The following NOSTRIN variants were observed in gnomAD, a reference collection of about 807,000 sequenced individuals.
NOSTRIN encodes nitric oxide synthase trafficking, also known as BM247 homolog.
In NOSTRIN, 63 loss-of-function variants were observed where a neutral mutation model predicts 59.0. The ratio of observed to expected loss-of-function variants is 1.07; its 90% CI spans 0.87 to 1.32. NOSTRIN has a LOEUF of 1.32. Among genes scored for constraint, NOSTRIN ranks in the 40% most tolerant of loss-of-function variants. The probability of loss-of-function intolerance (pLI) is 0.00; values close to 1 mark genes in which losing one functional copy is unlikely to be tolerated. For missense variants in NOSTRIN, 512 were observed against 473.1 expected (o/e 1.08, Z -0.76); for synonymous variants, 200 against 165.4 (o/e 1.21, Z -1.61).
chr2:168,841,047 GT>G, intron 7 of NOSTRIN, among the ~76,000 whole-genome samples: 1 of 151,978 alleles, frequency 6.6e-6, no homozygotes, highest in Non-Finnish European at 1.5e-5. Context: ...GAGCCCAGGA[GT>G]TGGAGACCAG....
chr2:168,831,102 A>G (rs1687333135), intron 5 of NOSTRIN, among the ~76,000 whole-genome samples: 1 of 152,202 alleles, frequency 6.6e-6, no homozygotes, highest in Admixed American at 6.5e-5. Flanking sequence ...TAAACTGGAT[A>G]GCTTATAAAT....
intron 8 of NOSTRIN, among the ~76,000 whole-genome samples, chr2:168,849,922 T>TGTTTTG (rs1553533476): frequency 7.0e-6 from 1 of 141,932 alleles, no homozygotes; most frequent in African/African-American, 2.6e-5. Flanking sequence ...TTTCTCATTT[T>TGTTTTG]TTTTTTTTTT....
chr2:168,860,835 T>A lies in NOSTRIN; in HGVS notation c.1220T>A (p.Leu407Ter), dbSNP rs1180178586. 19 of 1,613,934 alleles carry A rather than the reference T, an allele frequency of 1.2e-5. No individual in the cohort carries two copies. Among genetic ancestry groups the A allele is most frequent in the East Asian group, 4.5e-5 (2 of 44,890 alleles). ...HSYVKISRPFLMKRLENIVSK... is the reference protein window; with the variant it reads ...HSYVKISRPF ...TATGTGAAAATATCTCGGCCTTTTT[T>A]AATGAAGAGATTAGAGAATATTGTG... is the stretch of plus-strand genomic sequence containing the variant. Residue 407 changes from leucine (L) to a stop codon, truncating the protein, a stop_gained, in exon 14 of 16, where the codon TTA (leucine) becomes TAA (stop). Coordinates refer to ENST00000317647, the MANE Select transcript of NOSTRIN (RefSeq NM_001039724.4). LOFTEE classifies it high-confidence loss of function.
Position 168,851,393 on chromosome 2 carries a change from A to G in NOSTRIN, c.844A>G (p.Thr282Ala). 6.2e-7 allele frequency: 1 copy of G among 1,611,468 alleles called. No individual in the cohort carries two copies. Among genetic ancestry groups the G allele is most frequent in the Non-Finnish European group, 8.5e-7 (1 of 1,179,402 alleles). ...STENKSEFLL[T>A]DYFEEDPNSA... ...AGAAAACAAATCTGAGTTCCTGTTA[A>G]CGGATTACTTTGTGAGTATGAAATG... The change falls in exon 10 of 16, where the codon ACG becomes GCG. Residue 282 changes from threonine to alanine, a missense_variant. Physicochemically the swap from Thr to Ala is moderately conservative, Grantham distance 58 (BLOSUM62 0). Transcript: ENST00000317647.
intron 10 of NOSTRIN, among the ~76,000 whole-genome samples, chr2:168,852,965 TAAATC>T (rs1342300974): frequency 6.6e-6 from 1 of 152,124 alleles, no homozygotes; most frequent in Non-Finnish European, 1.5e-5. Flanking sequence ...TACAATAAAA[TAAATC>T]TATTTTCTTA....
chr2:168,810,737 G>A (rs952191562), intron 1 of NOSTRIN, among the ~76,000 whole-genome samples: 4 of 152,274 alleles, frequency 2.6e-5, no homozygotes, highest in South Asian at 2.1e-4. Flanking sequence ...CTCCCAGATG[G>A]AAACCATGAG....
At chr2:168,814,984 C>A (rs372736892) in intron 2 of NOSTRIN, among the ~76,000 whole-genome samples, 1 of 152,034 alleles carries the variant, frequency 6.6e-6, no homozygotes, top group Non-Finnish European at 1.5e-5. Context: ...GAGAAGAAGG[C>A]CTTTATTGTC....
intron 2 of NOSTRIN, 37 bp downstream of exon 2, chr2:168,811,689 C>T (rs1686144306): frequency 1.3e-6 from 1 of 789,806 alleles, no homozygotes; most frequent in Non-Finnish European, 2.2e-6. Flanking sequence ...GGTTCTTCCT[C>T]TTTAGTTGTA....
chr2:168,807,987 T>C (rs1398972604), intron 1 of NOSTRIN, among the ~76,000 whole-genome samples: 2 of 152,192 alleles, frequency 1.3e-5, no homozygotes, highest in Non-Finnish European at 2.9e-5. Flanking sequence ...GCCACAGGCT[T>C]CACCACTGCC....
chr2:168,834,513 A>ACACGCG lies in NOSTRIN; in HGVS notation c.504+191_504+192insGCGCAC, dbSNP rs750626575. Among the ~76,000 whole-genome samples the ACACGCG allele has an allele frequency of 1.2e-4, 17 of 141,760 alleles. 1 individual carries two copies. The highest frequency in any genetic ancestry group is 7.7e-4 in the East Asian group (3 of 3,884). The allele number at this position is 141,760 out of a possible 152,430, so 93.0% of individuals were successfully genotyped here. ...CGTGCGCGCGCGCGCGCGCGCACAC[A>ACACGCG]CACACACACACACACACACACACAC... On this transcript the variant is annotated intron_variant, in intron 7 of 15. Coordinates refer to ENST00000317647, the MANE Select transcript of NOSTRIN (RefSeq NM_001039724.4).
chr2:168,843,202 C>G, intron 8 of NOSTRIN, 85 bp downstream of exon 8: 4 of 765,210 alleles, frequency 5.2e-6, no homozygotes, highest in Non-Finnish European at 9.0e-6. Context: ...GTGACAAGAC[C>G]TGCCCTCTGT....
chr2:168,860,746 T>C (rs1044091164), intron 13 of NOSTRIN, 49 bp from the exon 14 acceptor site: 1 of 1,141,832 alleles, frequency 8.8e-7, no homozygotes, highest in Non-Finnish European at 1.3e-6. Context: ...TTCATGAATG[T>C]TTATGATAAT....
chr2:168,856,145 G>A, intron 11 of NOSTRIN: 1 of 218,964 alleles, frequency 4.6e-6, no homozygotes, highest in Non-Finnish European at 9.2e-6. Context: ...AATCTCATCT[G>A]GAAAAATAAC....
intron 1 of NOSTRIN, among the ~76,000 whole-genome samples, chr2:168,810,270 G>A (rs1161291348): frequency 6.6e-6 from 1 of 152,196 alleles, no homozygotes; most frequent in African/African-American, 2.4e-5. Context: ...ACAGCTTTCT[G>A]TGTTAAATTC....
At chr2:168,843,492 G>A (rs1688216473) in intron 8 of NOSTRIN, among the ~76,000 whole-genome samples, 1 of 152,204 alleles carries the variant, frequency 6.6e-6, no homozygotes, top group South Asian at 2.1e-4. Context: ...GTCAGGCATC[G>A]TGTTAGGCAC....
At chr2:168,861,755 C>T (rs558954780) in intron 14 of NOSTRIN, among the ~76,000 whole-genome samples, 22 of 152,290 alleles carry the variant, frequency 1.4e-4, no homozygotes, top group Non-Finnish European at 2.9e-4. Context: ...GGTTATATAA[C>T]ATATGCAGTC....
chr2:168,824,186 A>G (rs533667387), intron 2 of NOSTRIN, among the ~76,000 whole-genome samples: 1 of 152,214 alleles, frequency 6.6e-6, no homozygotes, highest in Non-Finnish European at 1.5e-5. Flanking sequence ...TAAACAAATC[A>G]TCTCTTCTTT....
intron 1 of NOSTRIN, among the ~76,000 whole-genome samples, chr2:168,803,345 G>A (rs1177161129): frequency 6.6e-6 from 1 of 152,174 alleles, no homozygotes; most frequent in African/African-American, 2.4e-5. Flanking sequence ...GGGGGGATAT[G>A]TTTACTTTGA....
intron 1 of NOSTRIN, among the ~76,000 whole-genome samples, chr2:168,806,409 A>C (rs1685853443): frequency 6.6e-6 from 1 of 152,170 alleles, no homozygotes; most frequent in Non-Finnish European, 1.5e-5. Flanking sequence ...TAATCTTTAC[A>C]AGTCGCCTGT....
Sources: allele counts gnomAD v4.1 joint callset (sites outside exome capture counted in the v4.1 genomes callset), GRCh38; gene constraint gnomAD v4.1.1; transcripts MANE v1.5; gene names NCBI Gene and HGNC (gene_info 2026-07-23, HGNC 2026-07-21).